Variants in SAMD12 observed in about 807,000 individuals in gnomAD.
SAMD12 encodes the protein sterile alpha motif domain containing 12, also known as sterile alpha motif domain-containing protein 12.
A neutral mutation model predicts 15.0 loss-of-function variants in SAMD12; 9 were observed. The observed-to-expected ratio is 0.60, with a 90% CI of 0.36 to 1.05. The LOEUF is 1.05. Among genes scored for constraint, SAMD12 ranks in the 50% least tolerant of loss-of-function variants. The pLI, the probability that SAMD12 is intolerant of heterozygous loss-of-function variation, is 0.01. For synonymous variants in SAMD12, 86 were observed against 90.1 expected, an observed-to-expected ratio of 0.96 and a Z score of 0.25; for missense variants, 230 against 234.2, an observed-to-expected ratio of 0.98 and a Z score of 0.12.
chr8:118,148,051 C>T, the SAMD12 span, among the ~76,000 whole-genome samples: 9 of 151,356 alleles, frequency 5.9e-5, no homozygotes, highest in East Asian at 1.9e-4. Flanking sequence ...CCTCAGCCTC[C>T]GGAATAGCTG....
At chr8:118,442,430 T>A (rs1822790555) in intron 2 of SAMD12, among the ~76,000 whole-genome samples, 1 of 152,196 alleles carries the variant, frequency 6.6e-6, no homozygotes, top group Non-Finnish European at 1.5e-5. Context: ...CATACTGGGG[T>A]AATGGGCTGC....
At chr8:118,467,173 C>T (rs114951415) in intron 2 of SAMD12, among the ~76,000 whole-genome samples, 2,060 of 152,244 alleles carry the variant, frequency 0.014, 40 homozygotes, top group African/African-American at 0.047. Flanking sequence ...CTTGTTTATA[C>T]AACTACTTCT....
At chr8:118,168,475 C>G in the SAMD12 span, among the ~76,000 whole-genome samples, 6 of 152,272 alleles carry the variant, frequency 3.9e-5, no homozygotes, top group South Asian at 1.2e-3. Flanking sequence ...GTTTAGTGAA[C>G]CAATATGAGA....
intron 2 of SAMD12, among the ~76,000 whole-genome samples, chr8:118,495,865 T>C (rs1205191194): frequency 6.6e-6 from 1 of 152,156 alleles, no homozygotes; most frequent in Admixed American, 6.5e-5. Flanking sequence ...CAATTTATAA[T>C]ATCAAGGCCA....
At chr8:118,478,112 A>G (rs1824016434) in intron 2 of SAMD12, among the ~76,000 whole-genome samples, 1 of 151,958 alleles carries the variant, frequency 6.6e-6, no homozygotes, top group Non-Finnish European at 1.5e-5. Flanking sequence ...TATTCTAATC[A>G]CCATCCAATT....
intron 4 of SAMD12, among the ~76,000 whole-genome samples, chr8:118,279,428 G>A (rs1368111803): frequency 6.6e-6 from 1 of 152,140 alleles, no homozygotes; most frequent in Non-Finnish European, 1.5e-5. Context: ...GTGTGCCTGG[G>A]TGTCTTTTAA....
chr8:118,218,241 T>C (rs556338894), intron 4 of SAMD12, among the ~76,000 whole-genome samples: 2 of 152,338 alleles, frequency 1.3e-5, no homozygotes, highest in East Asian at 3.9e-4. Context: ...CACTTTACTA[T>C]TATTTTCCAT....
chr8:118,529,312 A>G (rs1022998985), intron 2 of SAMD12, among the ~76,000 whole-genome samples: 1 of 152,226 alleles, frequency 6.6e-6, no homozygotes, highest in African/African-American at 2.4e-5. Flanking sequence ...GGCCAGCACC[A>G]GAAATGACTT....
At chr8:118,237,212 A>T (rs1004623749) in intron 4 of SAMD12, among the ~76,000 whole-genome samples, 15 of 152,130 alleles carry the variant, frequency 9.9e-5, no homozygotes, top group African/African-American at 3.6e-4. Flanking sequence ...AAAATTTTGT[A>T]ACCTTGGATA....
intron 2 of SAMD12, among the ~76,000 whole-genome samples, chr8:118,553,781 C>G: frequency 6.6e-6 from 1 of 150,482 alleles, no homozygotes; most frequent in Non-Finnish European, 1.5e-5. Context: ...GCAACCTACT[C>G]ATCTGACAAA....
chr8:118,161,353 G>C, the SAMD12 span, among the ~76,000 whole-genome samples: 1 of 152,104 alleles, frequency 6.6e-6, no homozygotes, highest in Non-Finnish European at 1.5e-5. Context: ...GGAGGCTAAG[G>C]TGGGAGGATC....
At chr8:118,415,448 G>GT (rs373929836) in intron 3 of SAMD12, among the ~76,000 whole-genome samples, 2 of 142,858 alleles carry the variant, frequency 1.4e-5, no homozygotes, top group Non-Finnish European at 3.1e-5. Context: ...CTTGTCCTAA[G>GT]GTGTGTGTGT....
intron 4 of SAMD12, among the ~76,000 whole-genome samples, chr8:118,287,906 A>T (rs543670078): frequency 6.6e-6 from 1 of 152,240 alleles, no homozygotes; most frequent in South Asian, 2.1e-4. Flanking sequence ...CCCATGCTTA[A>T]CCTGATGGCT....
At chr8:118,252,570 T>C (rs750173595) in intron 4 of SAMD12, among the ~76,000 whole-genome samples, 11 of 152,148 alleles carry the variant, frequency 7.2e-5, no homozygotes, top group Non-Finnish European at 1.3e-4. Flanking sequence ...TTTCATTTTC[T>C]TGCTCCCTTC....
intron 4 of SAMD12, among the ~76,000 whole-genome samples, chr8:118,247,748 A>G (rs1187979547): frequency 6.6e-6 from 1 of 151,600 alleles, no homozygotes; most frequent in Non-Finnish European, 1.5e-5. Flanking sequence ...ACGCACCACC[A>G]CTCCTGACTA....
At chr8:118,433,206 C>T (rs777291784) in intron 3 of SAMD12, among the ~76,000 whole-genome samples, 5 of 152,166 alleles carry the variant, frequency 3.3e-5, no homozygotes, top group South Asian at 4.1e-4. Flanking sequence ...TGTGTGCTGA[C>T]GTAGTCTGCT....
chr8:118,460,184 C>G (rs1488111253), intron 2 of SAMD12, among the ~76,000 whole-genome samples: 1 of 152,204 alleles, frequency 6.6e-6, no homozygotes, highest in African/African-American at 2.4e-5. Context: ...CTATGAATTA[C>G]TATAATTCAC....
chr8:118,292,344 A>G (rs1741784720), intron 4 of SAMD12, among the ~76,000 whole-genome samples: 1 of 139,194 alleles, frequency 7.2e-6, no homozygotes. Flanking sequence ...AACTGCAAAC[A>G]CACAGACACA....
At chr8:118,226,789 G>A (rs1418989468) in intron 4 of SAMD12, among the ~76,000 whole-genome samples, 4 of 152,162 alleles carry the variant, frequency 2.6e-5, no homozygotes, top group African/African-American at 4.8e-5. Flanking sequence ...AGGCAGCTTG[G>A]GGGAGTCAAG....
Sources: gnomAD v4.1 joint callset for allele counts (sites outside exome capture counted in the v4.1 genomes callset) on GRCh38, gnomAD v4.1.1 for gene constraint, MANE v1.5 for transcripts, NCBI Gene and HGNC (gene_info 2026-07-23, HGNC 2026-07-21) for gene names.